The following ETS2 variants were observed in gnomAD, a reference collection of about 807,000 sequenced individuals.
The protein encoded by ETS2 is ETS proto-oncogene 2, transcription factor, also known as protein C-ets-2.
In ETS2, 19 loss-of-function variants were observed where a neutral mutation model predicts 54.9. The observed-to-expected ratio is 0.35, with a 90% CI of 0.24 to 0.51. The LOEUF (loss-of-function observed/expected upper bound fraction) is 0.51. Ranked by LOEUF, ETS2 falls within the 20% of genes least tolerant of loss-of-function variation. ETS2 has a pLI of 0.97. For missense variants in ETS2, 417 were observed against 593.0 expected, an observed-to-expected ratio of 0.70 and a Z score of 3.08; for synonymous variants, 219 against 229.3, an observed-to-expected ratio of 0.95 and a Z score of 0.41.
chr21:38,807,088 A>T (rs2060896530), intron 1 of ETS2, among the ~76,000 whole-genome samples: 1 of 152,204 alleles, frequency 6.6e-6, no homozygotes, highest in Non-Finnish European at 1.5e-5. Context: ...CAGAGAGATA[A>T]ATCTCCACGT....
Position 38,814,642 on chromosome 21 carries a change from C to T in ETS2, c.305-139C>T, listed in dbSNP as rs774788694. ...TGCCTGGGTCGTGTCAGAATGGTGA[C>T]GTGTCATCATGGTATCTTGCTCATT... is the stretch of plus-strand genomic sequence containing the variant. On this transcript the variant is annotated intron_variant, in intron 4 of 9. Transcript: ENST00000360938. This position sits in a 1 kb window ranked among gnomAD's most constrained non-coding sequence, Gnocchi z 4.2. The T allele has an allele frequency of 2.8e-5, 23 of 818,806 alleles. No homozygotes were observed. Among genetic ancestry groups the T allele is most frequent in the Non-Finnish European group, 4.3e-5 (22 of 513,276 alleles). 50.7% of individuals were successfully genotyped at this position (818,806 alleles called of 1,614,324 possible). A position where few individuals can be genotyped will look rare whatever the true frequency, so the allele number is the denominator to read the frequency against.
rs879078990 is a variant in ETS2 at position 38,810,203 on chromosome 21, C to A, written c.72+97C>A. ...CTGGGTCCCAGAAAACTGGTTGTAG[C>A]CCTAGCTTCTTAATTTATTGGCCAT... On this transcript the variant is annotated intron_variant, in intron 2 of 9. Transcript: ENST00000360938. 11 of 678,364 alleles carry A rather than the reference C, an allele frequency of 1.6e-5. No homozygotes were observed. The South Asian group carries it at 1.8e-4, about 11-fold the overall frequency. 42.0% of individuals were successfully genotyped at this position (678,364 alleles called of 1,614,324 possible).
At chr21:38,811,185 T>TAA (rs11288156) in intron 2 of ETS2, among the ~76,000 whole-genome samples, 2 of 147,626 alleles carry the variant, frequency 1.4e-5, no homozygotes, top group East Asian at 4.0e-4. Flanking sequence ...TTCCTGGCTT[T>TAA]AAAAAAAAAA....
rs764613444 is a variant in ETS2, at chr21:38,813,036, C to T, written c.106C>T (p.Leu36=). ...AGCCTTTGACACCTTTGATGGGTCC[C>T]TGTTTGCTGTTTTTCCTTCTCTAAA... ...QPAFDTFDGS[L]FAVFPSLNEE... Residue 36 remains leucine, a synonymous_variant, in exon 3 of 10, where the codon CTG becomes TTG. Transcript: ENST00000360938. 1.5e-5 allele frequency: 25 copies of T among 1,614,030 alleles called. No individual in the cohort carries two copies. The Admixed American group carries it at 4.0e-4, about 26-fold the overall frequency.
rs956174282 is a variant in ETS2 at position 38,806,668 on chromosome 21, G to A, written c.-1+548G>A. On this transcript the variant is annotated intron_variant, in intron 1 of 9. Transcript: ENST00000360938. This position sits in a 1 kb window ranked among gnomAD's most constrained non-coding sequence, Gnocchi z 4.3. ...GAACCTGCGGGGCGCGGGGTGCCAT[G>A]GTCACCTGCTCGCCGCGTCCAGGGC... 3.7e-5 allele frequency: 36 copies of A among 985,394 alleles called. No homozygotes were observed. The highest frequency in any genetic ancestry group is 4.0e-5 in the Non-Finnish European group (33 of 829,942). 61.0% of individuals were successfully genotyped at this position (985,394 alleles called of 1,614,324 possible). A position where few individuals can be genotyped will look rare whatever the true frequency, so the allele number is the denominator to read the frequency against.
At position 38,814,528 on chromosome 21, in the gene ETS2, A is replaced by C. The variant is rs1387611326; in HGVS notation, c.304+136A>C. ...AGCATGGATGTCGTTAACCTGAGCC[A>C]GTTTCTGTTTCACCCCAATCAACCC... On this transcript the variant is annotated intron_variant, in intron 4 of 9. Coordinates refer to ENST00000360938, the MANE Select transcript of ETS2 (RefSeq NM_005239.6). This position sits in a 1 kb window ranked among gnomAD's most constrained non-coding sequence, Gnocchi z 4.2. The C allele has an allele frequency of 3.6e-6, 4 of 1,125,492 alleles. No individual in the cohort carries two copies. The highest frequency in any genetic ancestry group is 5.0e-5 in the Admixed American group (2 of 39,790). The allele number at this position is 1,125,492 out of a possible 1,614,324, so 69.7% of individuals were successfully genotyped here. A position where few individuals can be genotyped will look rare whatever the true frequency, so the allele number is the denominator to read the frequency against.
At chr21:38,822,252 C>T (rs914279610) in intron 9 of ETS2, among the ~76,000 whole-genome samples, 2 of 152,208 alleles carry the variant, frequency 1.3e-5, no homozygotes, top group African/African-American at 2.4e-5. Flanking sequence ...CACCCCGCCT[C>T]CAGTTCCCTT....
In ETS2 at chr21:38,806,351, G is replaced by T; in HGVS notation, c.-1+231G>T. 1.0e-6 allele frequency: 1 copy of T among 973,368 alleles called. No homozygotes were observed. Among genetic ancestry groups the T allele is most frequent in the Non-Finnish European group, 1.2e-6 (1 of 818,982 alleles). 60.3% of individuals were successfully genotyped at this position (973,368 alleles called of 1,614,324 possible). A position where few individuals can be genotyped will look rare whatever the true frequency, so the allele number is the denominator to read the frequency against. On this transcript the variant is annotated intron_variant, in intron 1 of 9. Coordinates refer to ENST00000360938, the MANE Select transcript of ETS2 (RefSeq NM_005239.6). The surrounding 1 kb of genome is among the most constrained non-coding windows in gnomAD (Gnocchi z 4.3). ...GCCTCCGGGGCTGGCGGGGTCGGCC[G>T]GGGGGTTCCTGCGTGCTAGGGCCGC...
rs965967414 is a variant in ETS2 at position 38,814,929 on chromosome 21, A to G, written c.453A>G (p.Ala151=). The change falls in exon 5 of 10, where the codon GCA becomes GCG. Residue 151 remains alanine, a synonymous_variant. Transcript: ENST00000360938. This position sits in a 1 kb window ranked among gnomAD's most constrained non-coding sequence, Gnocchi z 4.2. ...NLGKERFLEL[A]PDFVGDILWE... Reference sequence around the variant, plus strand: ...GCAAGGAACGCTTTCTGGAGCTGGCACCTGACTTTGTGGGTGACATTCTCT... The same window carrying G: ...GCAAGGAACGCTTTCTGGAGCTGGCGCCTGACTTTGTGGGTGACATTCTCT... 1.1e-5 allele frequency: 18 copies of G among 1,614,084 alleles called. No individual in the cohort carries two copies. In the African/African-American group the frequency reaches 2.3e-4, roughly 20 times the overall value.
At chr21:38,817,158 C>G (rs2060938842) in intron 6 of ETS2, 67 bp downstream of exon 6, 2 of 1,056,016 alleles carry the variant, frequency 1.9e-6, no homozygotes, top group East Asian at 2.4e-5. Context: ...TGGAATCTCT[C>G]TACTGTAGGC....
chr21:38,805,530 C>T (rs375677993), upstream of ETS2: 25 of 1,287,200 alleles, frequency 1.9e-5, no homozygotes, highest in East Asian at 1.1e-4. This position sits in a 1 kb window ranked among gnomAD's most constrained non-coding sequence, Gnocchi z 5.2. Context: ...CACACTCGCG[C>T]GCACGTGGGG....
rs553873250 is a variant in ETS2 at position 38,821,396 on chromosome 21, G to A, written c.1076-190G>A. Among the ~76,000 whole-genome samples, 1 of 152,062 alleles carries A rather than the reference G, an allele frequency of 6.6e-6. No homozygotes were observed. The highest frequency in any genetic ancestry group is 1.5e-5 in the Non-Finnish European group (1 of 68,008). The stretch of plus-strand genomic sequence containing the variant: ...AGCAGGAACTCACATTTGGTGCCCC[G>A]CCCCATCCCGTTAAAGCACTTAGTA... On this transcript the variant is annotated intron_variant, in intron 8 of 9. Coordinates refer to ENST00000360938, the MANE Select transcript of ETS2 (RefSeq NM_005239.6). The surrounding 1 kb of genome is among the most constrained non-coding windows in gnomAD (Gnocchi z 4.2).
At chr21:38,818,385 C>T (rs1352777480) in intron 6 of ETS2, 40 bp from the exon 7 acceptor site, 4 of 1,612,582 alleles carry the variant, frequency 2.5e-6, no homozygotes, top group East Asian at 2.2e-5. Flanking sequence ...TGGGGTAACA[C>T]TGACTTTAAG....
chr21:38,822,662 T>C lies in ETS2; in HGVS notation c.1195-12T>C. ...ATTGAGTTTAACTCTTTTCCATCCA[T>C]GTTCACCAAAGGTGGCCCGCCGGTG... On this transcript the variant is annotated splice_polypyrimidine_tract_variant and intron_variant, in intron 9 of 9. Transcript: ENST00000360938. 1 of 1,607,372 alleles carries C rather than the reference T, an allele frequency of 6.2e-7. No individual in the cohort carries two copies. Among genetic ancestry groups the C allele is most frequent in the Non-Finnish European group, 8.5e-7 (1 of 1,175,454 alleles).
chr21:38,810,770 A>G lies in ETS2; in HGVS notation c.72+664A>G, dbSNP rs569809040. On this transcript the variant is annotated intron_variant, in intron 2 of 9. Coordinates refer to ENST00000360938, the MANE Select transcript of ETS2 (RefSeq NM_005239.6). ...TTGTTTTCAGTATTATGTAGTAAACATGTTTCAGAAGCATGATTTTAAAAT... is the reference window on the plus strand; with the variant it reads ...TTGTTTTCAGTATTATGTAGTAAACGTGTTTCAGAAGCATGATTTTAAAAT... 7.2e-5 allele frequency among the ~76,000 whole-genome samples: 11 copies of G among 152,352 alleles called. No homozygotes were observed. In the South Asian group the frequency reaches 1.9e-3, roughly 26 times the overall value.
chr21:38,806,017 G>C lies in ETS2; in HGVS notation c.-104G>C. The C allele has an allele frequency of 1.6e-6, 2 of 1,239,812 alleles. No homozygotes were observed. The highest frequency in any genetic ancestry group is 2.1e-6 in the Non-Finnish European group (2 of 968,430). 76.8% of individuals were successfully genotyped at this position (1,239,812 alleles called of 1,614,324 possible). A position where few individuals can be genotyped will look rare whatever the true frequency, so the allele number is the denominator to read the frequency against. ...CGGCCAGCGTCCGGCCTCCCTGATCGTCTCTGGCCGGCGCCCTCGCCCTCG... is the reference window on the plus strand; with the variant it reads ...CGGCCAGCGTCCGGCCTCCCTGATCCTCTCTGGCCGGCGCCCTCGCCCTCG... On this transcript the variant is annotated 5_prime_UTR_variant, in exon 1 of 10. Transcript: ENST00000360938. This position sits in a 1 kb window ranked among gnomAD's most constrained non-coding sequence, Gnocchi z 4.3.
Position 38,817,461 on chromosome 21 carries a change from G to A in ETS2, c.589+370G>A, listed in dbSNP as rs75807938. 2.9e-3 allele frequency among the ~76,000 whole-genome samples: 443 copies of A among 152,226 alleles called. 2 individuals are homozygous for A. Among genetic ancestry groups the A allele is most frequent in the East Asian group, 0.013 (66 of 5,186 alleles). Reference sequence around the variant, plus strand: ...TTTTAATATGGCCACTAGAACTTTCGCAGTTGCTTAAGTGGCTCACACGAT... The same window carrying A: ...TTTTAATATGGCCACTAGAACTTTCACAGTTGCTTAAGTGGCTCACACGAT... On this transcript the variant is annotated intron_variant, in intron 6 of 9. Transcript: ENST00000360938.
At chr21:38,817,726 C>G (rs1022627870) in intron 6 of ETS2, among the ~76,000 whole-genome samples, 8 of 152,212 alleles carry the variant, frequency 5.3e-5, no homozygotes, top group African/African-American at 1.9e-4. Flanking sequence ...GGCACAGGGT[C>G]TGGCCAGGCC....
chr21:38,811,050 C>T (rs1413880933), intron 2 of ETS2, among the ~76,000 whole-genome samples: 2 of 152,122 alleles, frequency 1.3e-5, no homozygotes, highest in African/African-American at 4.8e-5. Context: ...AAACCACACC[C>T]CTTAGAAAAA....
Sources: gnomAD v4.1 joint callset for allele counts (sites outside exome capture counted in the v4.1 genomes callset) on GRCh38, gnomAD v4.1.1 for gene constraint, Gnocchi (gnomAD v3.1) non-coding constraint, MANE v1.5 for transcripts, NCBI Gene and HGNC (gene_info 2026-07-23, HGNC 2026-07-21) for gene names.